Variants in KIF1A observed in about 807,000 individuals in gnomAD.
The protein encoded by KIF1A is kinesin-like protein KIF1A.
Under a neutral mutation model 227.3 loss-of-function variants are expected in KIF1A, and 46 were observed. The observed-to-expected ratio is 0.20, with a 90% CI of 0.16 to 0.26. The LOEUF (loss-of-function observed/expected upper bound fraction) is 0.26. Among genes scored for constraint, KIF1A ranks in the 10% least tolerant of loss-of-function variants. KIF1A has a pLI of 1.00. For synonymous variants in KIF1A, 1,022 were observed against 1,012.8 expected, an observed-to-expected ratio of 1.01 and a Z score of -0.17; for missense variants, 1,683 against 2,485.9, an observed-to-expected ratio of 0.68 and a Z score of 6.87.
chr2:240,805,839 T>C (rs1304120904), intron 1 of KIF1A, among the ~76,000 whole-genome samples: 2 of 152,210 alleles, frequency 1.3e-5, no homozygotes, highest in South Asian at 2.1e-4. Context: ...CCCATATGTT[T>C]AGAAATTTAA....
chr2:240,805,835 T>A (rs2057362206), intron 1 of KIF1A, among the ~76,000 whole-genome samples: 1 of 152,206 alleles, frequency 6.6e-6, no homozygotes, highest in Non-Finnish European at 1.5e-5. Flanking sequence ...AAAACCCATA[T>A]GTTTAGAAAT....
chr2:240,751,346 C>G (rs1407192127), intron 27 of KIF1A, among the ~76,000 whole-genome samples: 1 of 152,184 alleles, frequency 6.6e-6, no homozygotes, highest in Non-Finnish European at 1.5e-5. Flanking sequence ...AGGTGTGGCT[C>G]TGAGCACCAT....
At chr2:240,813,830 G>A (rs1027007895) in intron 1 of KIF1A, among the ~76,000 whole-genome samples, 1 of 152,186 alleles carries the variant, frequency 6.6e-6, no homozygotes, top group Non-Finnish European at 1.5e-5. Flanking sequence ...GCTGCCAGCA[G>A]AAAACAGGCC....
chr2:240,757,682 T>C lies in KIF1A; in HGVS notation c.2583-88A>G. The C allele has an allele frequency of 7.4e-7, 1 of 1,350,852 alleles. No individual in the cohort carries two copies. Among genetic ancestry groups the C allele is most frequent in the South Asian group, 1.4e-5 (1 of 69,272 alleles). The allele number at this position is 1,350,852 out of a possible 1,614,324, so 83.7% of individuals were successfully genotyped here. ...GCCGGGGCCGGGGCTGGGGGGCTTCTGTTTAAAACCAAAACCAAACACACA... is the reference window on the plus strand; with the variant it reads ...GCCGGGGCCGGGGCTGGGGGGCTTCCGTTTAAAACCAAAACCAAACACACA... On this transcript the variant is annotated intron_variant, in intron 26 of 48. Coordinates refer to ENST00000498729, the MANE Select transcript of KIF1A (RefSeq NM_001244008.2). The surrounding 1 kb of genome is among the most constrained non-coding windows in gnomAD (Gnocchi z 6.2).
chr2:240,781,361 ACACACACAGCTCCC>A (rs1559524018), intron 10 of KIF1A, among the ~76,000 whole-genome samples: 1 of 39,446 alleles, frequency 2.5e-5, no homozygotes. Context: ...AGCTCCACAC[ACACACACAGCTCCC>A]CACACACACA....
Position 240,757,450 on chromosome 2 carries a change from CT to C in KIF1A, c.2726del (p.Glu909GlyfsTer42), listed in dbSNP as rs1213357576. 6.5e-6 allele frequency: 10 copies of C among 1,550,044 alleles called. No homozygotes were observed. The highest frequency in any genetic ancestry group is 1.4e-5 in the African/African-American group (1 of 73,012). On this transcript the variant is annotated frameshift_variant, in exon 27 of 49. Coordinates refer to ENST00000498729, the MANE Select transcript of KIF1A (RefSeq NM_001244008.2). LOFTEE classifies it high-confidence loss of function. The surrounding 1 kb of genome is among the most constrained non-coding windows in gnomAD (Gnocchi z 6.2). ...EPAEEQSVGE[E>X]EEEEEEEEDE... ...CCTCCTCCTCCTCCTCCTCCTCCTC[CT>C]CCTCCCCCACGCTCTGCTCCTCGGC...
intron 38 of KIF1A, among the ~76,000 whole-genome samples, chr2:240,734,037 C>T (rs1043014484): frequency 2.0e-5 from 3 of 152,230 alleles, no homozygotes; most frequent in African/African-American, 7.2e-5. Context: ...GCTGGACAAC[C>T]TGAGTCTGGG....
rs990459427 is a variant in KIF1A at position 240,778,230 on chromosome 2, C to G, written c.883-2304G>C. ...TCATCAAGTTTCCCCACAAGTTCCA[C>G]ACGCAATTCTGTCACAGTTCTCTGT... is the stretch of plus-strand genomic sequence containing the variant. On this transcript the variant is annotated intron_variant, in intron 10 of 48. Coordinates refer to ENST00000498729, the MANE Select transcript of KIF1A (RefSeq NM_001244008.2). The surrounding 1 kb of genome is among the most constrained non-coding windows in gnomAD (Gnocchi z 7.2). 1.3e-5 allele frequency among the ~76,000 whole-genome samples: 2 copies of G among 152,160 alleles called. No individual in the cohort carries two copies. Among genetic ancestry groups the G allele is most frequent in the African/African-American group, 2.4e-5 (1 of 41,432 alleles).
Position 240,776,413 on chromosome 2 carries a change from C to T in KIF1A, c.883-487G>A, listed in dbSNP as rs2052731571. ...CCTGCCAGCTTAAATCTCCCCTTCA[C>T]CCAGAGTTCACCCGCCCTCTCCCCC... On this transcript the variant is annotated intron_variant, in intron 10 of 48. Transcript: ENST00000498729. 2.6e-5 allele frequency among the ~76,000 whole-genome samples: 4 copies of T among 152,340 alleles called. No homozygotes were observed. The South Asian group carries it at 8.3e-4, about 32-fold the overall frequency.
chr2:240,754,707 G>A (rs948867188), intron 27 of KIF1A, among the ~76,000 whole-genome samples: 30 of 152,172 alleles, frequency 2.0e-4, no homozygotes, highest in Admixed American at 1.5e-3. Context: ...GAACCAGAGC[G>A]TAGCCCAGGC....
chr2:240,760,585 G>A, intron 25 of KIF1A, 80 bp downstream of exon 25: 4 of 1,166,830 alleles, frequency 3.4e-6, no homozygotes, highest in Non-Finnish European at 4.6e-6. Context: ...TGTGAAGCCT[G>A]TGCCTACCAC....
intron 48 of KIF1A, among the ~76,000 whole-genome samples, 196 bp downstream of exon 48, chr2:240,717,854 C>T (rs545641849): frequency 2.2e-4 from 34 of 152,172 alleles, no homozygotes; most frequent in South Asian, 4.1e-4. Flanking sequence ...GGCAGCCTTG[C>T]GGGCAGGACC....
At chr2:240,723,328 G>A in intron 42 of KIF1A, 85 bp downstream of exon 42, 5 of 1,348,806 alleles carry the variant, frequency 3.7e-6, no homozygotes, top group Non-Finnish European at 5.0e-6. Flanking sequence ...TAGGCACCAG[G>A]CCCTGGGCCC....
At chr2:240,805,122 GGGAGGGC>G (rs1278582024) in intron 1 of KIF1A, among the ~76,000 whole-genome samples, 3 of 76,776 alleles carry the variant, frequency 3.9e-5, no homozygotes, top group East Asian at 5.6e-4. Context: ...GGAGAGGGGA[GGGAGGGC>G]GGAGGGAGAG....
chr2:240,802,204 A>G (rs1039774452), intron 1 of KIF1A, among the ~76,000 whole-genome samples: 1 of 152,218 alleles, frequency 6.6e-6, no homozygotes, highest in African/African-American at 2.4e-5. Flanking sequence ...GCAAGATTTC[A>G]ACATGATCAT....
rs951332877 is a variant in KIF1A, at chr2:240,734,800, C to T, written c.4007+2263G>A. The T allele has an allele frequency of 4.6e-5, 56 of 1,221,808 alleles. No homozygotes were observed. In the East Asian group the frequency reaches 4.7e-4, roughly 10 times the overall value. The allele number at this position is 1,221,808 out of a possible 1,614,324, so 75.7% of individuals were successfully genotyped here. ...TGAGGGCCGGGCAGCGCAGCGGGAGCGGGGTGGGGGACAGGCAGAGGGAAG... is the reference window on the plus strand; with the variant it reads ...TGAGGGCCGGGCAGCGCAGCGGGAGTGGGGTGGGGGACAGGCAGAGGGAAG... On this transcript the variant is annotated intron_variant, in intron 38 of 48. Coordinates refer to ENST00000498729, the MANE Select transcript of KIF1A (RefSeq NM_001244008.2).
intron 10 of KIF1A, among the ~76,000 whole-genome samples, chr2:240,777,690 C>CCGCTGAA (rs2125994008): frequency 6.6e-6 from 1 of 152,322 alleles, no homozygotes; most frequent in Non-Finnish European, 1.5e-5. Context: ...ACTGTGAGCC[C>CCGCTGAA]CGCTGAACAC....
At chr2:240,780,814 A>T (rs1575616904) in intron 10 of KIF1A, among the ~76,000 whole-genome samples, 1 of 91,314 alleles carries the variant, frequency 1.1e-5, no homozygotes, top group African/African-American at 6.7e-5. Context: ...ACACACACAC[A>T]CACACACACA....
At chr2:240,809,138 T>C (rs2057667945) in intron 1 of KIF1A, among the ~76,000 whole-genome samples, 2 of 152,262 alleles carry the variant, frequency 1.3e-5, no homozygotes, top group Admixed American at 1.3e-4. Flanking sequence ...TCTCAATATC[T>C]TGAAAACATT....
Sources: allele counts gnomAD v4.1 joint callset (sites outside exome capture counted in the v4.1 genomes callset), GRCh38; gene constraint gnomAD v4.1.1; non-coding constraint Gnocchi (gnomAD v3.1); transcripts MANE v1.5; gene names NCBI Gene and HGNC (gene_info 2026-07-23, HGNC 2026-07-21).